MUC5AC: variants seen among roughly 807,000 people sequenced by gnomAD.
MUC5AC encodes mucin 5AC, oligomeric mucus/gel-forming, also known as mucin-5AC.
A neutral mutation model predicts 169.7 loss-of-function variants in MUC5AC; 158 were observed. That is an observed-to-expected ratio of 0.93 (90% CI 0.82 to 1.06). The LOEUF (loss-of-function observed/expected upper bound fraction) is 1.06, where lower values mean the gene tolerates loss of function less well. Ranked by LOEUF, MUC5AC falls within the 50% of genes least tolerant of loss-of-function variation. MUC5AC has a pLI of 0.00. For synonymous variants in MUC5AC, 1,975 were observed against 1,237.0 expected (o/e 1.60, Z -12.52); for missense variants, 4,359 against 3,089.9 (o/e 1.41, Z -9.74).
rs1590141704 is a variant in MUC5AC at position 1,177,197 on chromosome 11, C to T, written c.2794-34C>T. 3 of 399,478 alleles carry T rather than the reference C, an allele frequency of 7.5e-6. No individual in the cohort carries two copies. The East Asian group carries it at 1.1e-4, about 14-fold the overall frequency. 24.7% of individuals were successfully genotyped at this position (399,478 alleles called of 1,614,324 possible). On this transcript the variant is annotated intron_variant, in intron 22 of 48. Coordinates refer to ENST00000621226, the MANE Select transcript of MUC5AC (RefSeq NM_001304359.2). ...CCTCCTTGCGGGAAGGAGGGCAGGG[C>T]CTGCCTGGTCCTTGATGGCCTCTGC...
At chr11:1,162,797 A>T (rs1021020227) in intron 5 of MUC5AC, among the ~76,000 whole-genome samples, 151 bp downstream of exon 5, 1 of 152,112 alleles carries the variant, frequency 6.6e-6, no homozygotes, top group Non-Finnish European at 1.5e-5. Context: ...GTGCCCAGAC[A>T]CCAATGGTGT....
chr11:1,158,030 CTCTGGGCCCTGG>C lies in MUC5AC; in HGVS notation c.32_43del (p.Leu11_Ala15delinsPro). The C allele has an allele frequency of 6.2e-7, 1 of 1,607,358 alleles. No homozygotes were observed. The highest frequency in any genetic ancestry group is 8.5e-7 in the Non-Finnish European group (1 of 1,178,006). On this transcript the variant is annotated inframe_deletion, in exon 1 of 49. Transcript: ENST00000621226. ...TGTTGGCCGGAGGAAGCTGGCCCTG[CTCTGGGCCCTGG>C]CTCTCGCTCTGGCCTGCACCCGGCA...
chr11:1,192,707 C>T (rs1590150072), intron 31 of MUC5AC, 76 bp from the exon 32 acceptor site: 7 of 694,652 alleles, frequency 1.0e-5, no homozygotes, highest in East Asian at 7.4e-5. Context: ...GAAAGTGCCC[C>T]TCTGGCTCTG....
At chr11:1,197,772 C>A in intron 41 of MUC5AC, 131 bp from the exon 42 acceptor site, 1 of 630,448 alleles carries the variant, frequency 1.6e-6, no homozygotes, top group Non-Finnish European at 2.9e-6. Flanking sequence ...TCCTCCGCTT[C>A]CGCAACAGCC....
At chr11:1,200,074 G>A in intron 48 of MUC5AC, 105 bp downstream of exon 48, 1 of 621,674 alleles carries the variant, frequency 1.6e-6, no homozygotes, top group Non-Finnish European at 2.9e-6. Flanking sequence ...ACCATGAGGG[G>A]CCAGGCAAAG....
chr11:1,159,488 G>C (rs2133710228), intron 1 of MUC5AC, among the ~76,000 whole-genome samples: 1 of 149,078 alleles, frequency 6.7e-6, no homozygotes, highest in South Asian at 2.2e-4. Context: ...GTACGAGGCT[G>C]TGAGGGGCTG....
chr11:1,164,631 G>A, intron 9 of MUC5AC, 99 bp downstream of exon 9: 3 of 1,446,606 alleles, frequency 2.1e-6, no homozygotes. Flanking sequence ...CAGTCCTAGT[G>A]TCCCGGGCCC....
rs755046626 is a variant in MUC5AC, at chr11:1,200,459, G to A, written c.16722G>A (p.Thr5574=). ...SSSMYSLEGN[T]VEHRCQCCQE... ...ACAGGTACTCGCTCGAGGGCAACAC[G>A]GTGGAGCACAGGTGCCAGTGCTGCC... The change falls in exon 49 of 49, where the codon ACG becomes ACA. Residue 5574 remains threonine (T), a synonymous_variant. Coordinates refer to ENST00000621226, the MANE Select transcript of MUC5AC (RefSeq NM_001304359.2). 15 of 718,306 alleles carry A rather than the reference G, an allele frequency of 2.1e-5. No homozygotes were observed. The highest frequency in any genetic ancestry group is 6.9e-5 in the African/African-American group (4 of 57,910). 44.5% of individuals were successfully genotyped at this position (718,306 alleles called of 1,614,324 possible). A position where few individuals can be genotyped will look rare whatever the true frequency, so the allele number is the denominator to read the frequency against.
chr11:1,197,809 T>C, intron 41 of MUC5AC, 94 bp from the exon 42 acceptor site: 1 of 653,450 alleles, frequency 1.5e-6, no homozygotes, highest in Non-Finnish European at 2.8e-6. Flanking sequence ...GAGCGGGCTG[T>C]CTAGGCGGTC....
intron 15 of MUC5AC, chr11:1,169,270 G>A (rs901767896): frequency 5.8e-5 from 41 of 701,524 alleles, no homozygotes; most frequent in Non-Finnish European, 7.0e-5. Context: ...GTCAACATCC[G>A]CCCTGACCGC....
In MUC5AC at chr11:1,164,336, C is replaced by T; in HGVS notation, c.1003+17C>T. 1.2e-6 allele frequency: 2 copies of T among 1,612,062 alleles called. No homozygotes were observed. Among genetic ancestry groups the T allele is most frequent in the Non-Finnish European group, 8.5e-7 (1 of 1,179,792 alleles). Reference sequence around the variant, plus strand: ...ACTTCTGCCGTGAGTGTCCCAGCCCCCTGTCCCCCAACCCCTTTGGCAGGG... The same window carrying T: ...ACTTCTGCCGTGAGTGTCCCAGCCCTCTGTCCCCCAACCCCTTTGGCAGGG... On this transcript the variant is annotated intron_variant, in intron 8 of 48. Transcript: ENST00000621226.
At position 1,197,933 on chromosome 11, in the gene MUC5AC, T is replaced by TGGGCTGTCCTGAGGGCGCCCGC; in HGVS notation, c.16066_16087dup (p.Ala5363GlyfsTer4). The TGGGCTGTCCTGAGGGCGCCCGC allele has an allele frequency of 2.7e-6, 2 of 735,262 alleles. No individual in the cohort carries two copies. The highest frequency in any genetic ancestry group is 4.9e-6 in the Non-Finnish European group (2 of 404,880). The allele number at this position is 735,262 out of a possible 1,614,324, so 45.5% of individuals were successfully genotyped here. A position where few individuals can be genotyped will look rare whatever the true frequency, so the allele number is the denominator to read the frequency against. The stretch of plus-strand genomic sequence containing the variant: ...AACACCAGCCGCTGCCCCGCGCCCG[T>TGGGCTGTCCTGAGGGCGCCCGC]GGGCTGTCCTGAGGGCGCCCGCGCG... On this transcript the variant is annotated frameshift_variant, in exon 42 of 49. Transcript: ENST00000621226. LOFTEE classifies it high-confidence loss of function.
rs1456728694 is a variant in MUC5AC, at chr11:1,189,726, A to C, written c.11581A>C (p.Ser3861Arg). The change falls in exon 31 of 49, where the codon AGC becomes CGC. Residue 3861 changes from serine (S) to arginine (R), a missense_variant. Ser to Arg is a moderately radical substitution (Grantham distance 110). Coordinates refer to ENST00000621226, the MANE Select transcript of MUC5AC (RefSeq NM_001304359.2). ...PQTSISSAPT[S>R]STTSAPTAST... ...GACCAGCATATCCTCTGCCCCTACA[A>C]GCAGCACAACCTCTGCTCCTACAGC... 1.6e-6 allele frequency: 1 copy of C among 645,158 alleles called. No homozygotes were observed. The highest frequency in any genetic ancestry group is 1.8e-5 in the African/African-American group (1 of 55,750). The allele number at this position is 645,158 out of a possible 1,614,324, so 40.0% of individuals were successfully genotyped here. A position where few individuals can be genotyped will look rare whatever the true frequency, so the allele number is the denominator to read the frequency against.
In MUC5AC at chr11:1,189,116, C is replaced by T; in HGVS notation, c.10971C>T (p.Thr3657=). Residue 3657 remains threonine (T), a synonymous_variant, in exon 31 of 49, where the codon ACC becomes ACT. Coordinates refer to ENST00000621226, the MANE Select transcript of MUC5AC (RefSeq NM_001304359.2). The part of the protein sequence containing the change: ...STSSWQKSRT[T]TLVTSSITST... ...CCTCTTGGCAGAAATCCAGGACAAC[C>T]ACTTTGGTGACAAGCAGCATAACCT... 3.3e-6 allele frequency: 2 copies of T among 603,340 alleles called. No individual in the cohort carries two copies. Among genetic ancestry groups the T allele is most frequent in the African/African-American group, 1.8e-5 (1 of 54,152 alleles). 37.4% of individuals were successfully genotyped at this position (603,340 alleles called of 1,614,324 possible). A position where few individuals can be genotyped will look rare whatever the true frequency, so the allele number is the denominator to read the frequency against.
Position 1,186,057 on chromosome 11 carries a change from C to G in MUC5AC, c.7912C>G (p.Pro2638Ala), listed in dbSNP as rs1473145766. ...RISGPETTPS[P>A]VPTASTTSAS... ...CTCTGGTCCTGAAACTACTCCCAGC[C>G]CTGTTCCTACCGCCAGCACAACCTC... Residue 2638 changes from proline to alanine, a missense_variant, in exon 31 of 49, where the codon CCT (proline) becomes GCT (alanine). Physicochemically the swap from Pro to Ala is conservative, Grantham distance 27 (BLOSUM62 -1). Transcript: ENST00000621226. The G allele has an allele frequency of 8.1e-6, 6 of 737,072 alleles. No homozygotes were observed. The East Asian group carries it at 1.5e-4, about 19-fold the overall frequency. 45.7% of individuals were successfully genotyped at this position (737,072 alleles called of 1,614,324 possible).
In MUC5AC at chr11:1,188,163, A is replaced by C; in HGVS notation, c.10018A>C (p.Ser3340Arg). The C allele has an allele frequency of 1.4e-6, 1 of 711,762 alleles. No homozygotes were observed. Among genetic ancestry groups the C allele is most frequent in the African/African-American group, 1.7e-5 (1 of 57,720 alleles). 44.1% of individuals were successfully genotyped at this position (711,762 alleles called of 1,614,324 possible). Residue 3340 changes from serine (S) to arginine (R), a missense_variant, in exon 31 of 49, where the codon AGT (serine) becomes CGT (arginine). Physicochemically the swap from Ser to Arg is moderately radical, Grantham distance 110. Transcript: ENST00000621226. ...STPVTAPSTPSGRATSPTQST... is the reference protein window; with the variant it reads ...STPVTAPSTPRGRATSPTQST... ...ACCTGTGACAGCTCCTAGCACCCCT[A>C]GTGGGAGAGCCACCAGCCCAACTCA...
chr11:1,176,275 T>A (rs1860686089), intron 20 of MUC5AC, 24 bp downstream of exon 20: 1 of 398,596 alleles, frequency 2.5e-6, no homozygotes, highest in African/African-American at 2.1e-5. Context: ...GACTCCCCAA[T>A]GACAGACCCT....
At chr11:1,165,472 G>C in intron 10 of MUC5AC, 53 bp downstream of exon 10, 1 of 1,591,574 alleles carries the variant, frequency 6.3e-7, no homozygotes, top group Non-Finnish European at 8.6e-7. Flanking sequence ...GGACAGACCT[G>C]CTGGGGGTTG....
chr11:1,189,916 C>A lies in MUC5AC; in HGVS notation c.11771C>A (p.Thr3924Asn), dbSNP rs1359445290. 1.3e-6 allele frequency: 1 copy of A among 765,034 alleles called. No individual in the cohort carries two copies. The highest frequency in any genetic ancestry group is 2.4e-6 in the Non-Finnish European group (1 of 417,870). 47.4% of individuals were successfully genotyped at this position (765,034 alleles called of 1,614,324 possible). The stretch of plus-strand genomic sequence containing the variant: ...GGAACTACTCCCAGCCCCGTTCCCA[C>A]CACCAGCACAGCCTCTGTTTCAAAG... ...GSGTTPSPVP[T>N]TSTASVSKTS... The change falls in exon 31 of 49, where the codon ACC (threonine) becomes AAC (asparagine). Residue 3924 changes from threonine (T) to asparagine (N), a missense_variant. By Grantham distance (65) the Thr-to-Asn change is moderately conservative. Transcript: ENST00000621226.
Sources: allele counts gnomAD v4.1 joint callset (sites outside exome capture counted in the v4.1 genomes callset), GRCh38; gene constraint gnomAD v4.1.1; transcripts MANE v1.5; gene names NCBI Gene and HGNC (gene_info 2026-07-23, HGNC 2026-07-21).